NCKAP5: variants seen among roughly 807,000 people sequenced by gnomAD.
NCKAP5 encodes NCK associated protein 5.
In NCKAP5, 92 loss-of-function variants were observed where a neutral mutation model predicts 167.0. The observed-to-expected ratio is 0.55, with a 90% CI of 0.47 to 0.66. NCKAP5 has a LOEUF of 0.66. Among genes scored for constraint, NCKAP5 ranks in the 30% least tolerant of loss-of-function variants. The probability of loss-of-function intolerance (pLI) is 0.00; values close to 1 mark genes in which losing one functional copy is unlikely to be tolerated. For missense variants in NCKAP5, 2,378 were observed against 2,315.0 expected (o/e 1.03, Z -0.56); for synonymous variants, 891 against 877.4 (o/e 1.02, Z -0.27).
intron 3 of NCKAP5, among the ~76,000 whole-genome samples, chr2:133,315,650 T>C (rs879699127): frequency 6.9e-6 from 1 of 144,570 alleles, no homozygotes; most frequent in South Asian, 2.1e-4. Context: ...AAAAAGTAAA[T>C]GAAGGAGAGG....
At chr2:133,484,877 A>G (rs537635672) in intron 3 of NCKAP5, among the ~76,000 whole-genome samples, 1 of 152,356 alleles carries the variant, frequency 6.6e-6, no homozygotes, top group East Asian at 1.9e-4. Flanking sequence ...GACCAGTATG[A>G]CCATGGTATA....
the NCKAP5 span, among the ~76,000 whole-genome samples, chr2:133,620,982 G>A: frequency 6.6e-6 from 1 of 152,062 alleles, no homozygotes; most frequent in Non-Finnish European, 1.5e-5. Flanking sequence ...TCAAAACCAT[G>A]CGAATACATG....
intron 5 of NCKAP5, among the ~76,000 whole-genome samples, chr2:133,209,891 G>T (rs551364912): frequency 2.0e-5 from 3 of 152,090 alleles, no homozygotes; most frequent in Non-Finnish European, 4.4e-5. Context: ...ATCTCAGCCA[G>T]GTGTGGTGGC....
intron 8 of NCKAP5, among the ~76,000 whole-genome samples, chr2:132,920,163 C>T (rs1282575842): frequency 6.6e-6 from 1 of 152,000 alleles, no homozygotes; most frequent in Non-Finnish European, 1.5e-5. Flanking sequence ...AATTAAGTTC[C>T]TATGCTATTT....
the NCKAP5 span, among the ~76,000 whole-genome samples, chr2:133,592,427 A>G: frequency 6.6e-6 from 1 of 152,206 alleles, no homozygotes; most frequent in Non-Finnish European, 1.5e-5. Context: ...TTCTTGTTGC[A>G]ATATTCATTG....
intron 11 of NCKAP5, among the ~76,000 whole-genome samples, chr2:132,836,773 A>T (rs1340859771): frequency 1.3e-5 from 2 of 152,106 alleles, no homozygotes; most frequent in African/African-American, 4.8e-5. Context: ...TCCACCCCCT[A>T]GAGCCTTGCC....
At position 133,386,372 on chromosome 2, in the gene NCKAP5, T is replaced by C. The variant is rs991411330; in HGVS notation, c.70-83262A>G. On this transcript the variant is annotated intron_variant, in intron 3 of 19. Coordinates refer to ENST00000409261, the MANE Select transcript of NCKAP5 (RefSeq NM_207363.3). ...GTTGAGCAGTTTTGATTGAGTTTCT[T>C]AATCCTGAGTTCTAGTTTGATTGCA... 1.2e-4 allele frequency among the ~76,000 whole-genome samples: 18 copies of C among 152,254 alleles called. 1 individual carries two copies. Among genetic ancestry groups the C allele is most frequent in the African/African-American group, 4.1e-4 (17 of 41,472 alleles).
intron 19 of NCKAP5, among the ~76,000 whole-genome samples, chr2:132,717,946 C>G (rs1252738667): frequency 3.9e-5 from 6 of 152,292 alleles, no homozygotes; most frequent in Middle Eastern, 3.4e-3. Flanking sequence ...TCTATAGACC[C>G]TACTGGGATT....
intron 6 of NCKAP5, among the ~76,000 whole-genome samples, chr2:133,126,057 C>A (rs894357943): frequency 7.9e-5 from 12 of 152,210 alleles, no homozygotes; most frequent in African/African-American, 2.9e-4. Flanking sequence ...TTGCCTGGTG[C>A]CTTCAAGCCA....
intron 6 of NCKAP5, chr2:133,122,525 A>C (rs905069515): frequency 1.1e-4 from 17 of 152,220 alleles, no homozygotes; most frequent in African/African-American, 3.6e-4. Context: ...TAAATCCTAA[A>C]GTGGACAACA....
chr2:133,507,037 C>T (rs1683071619), intron 3 of NCKAP5, among the ~76,000 whole-genome samples: 2 of 152,148 alleles, frequency 1.3e-5, no homozygotes, highest in Non-Finnish European at 2.9e-5. Context: ...AGGAGATCTC[C>T]ACATAGCTAC....
intron 15 of NCKAP5, among the ~76,000 whole-genome samples, chr2:132,780,058 CAG>C (rs1209206025): frequency 7.9e-5 from 12 of 152,282 alleles, no homozygotes; most frequent in Admixed American, 7.8e-4. Context: ...GAAGAATGTA[CAG>C]AGAGTAAGTG....
rs753169750 is a variant in NCKAP5, at chr2:132,784,999, C to A, written c.1812G>T (p.Val604=). The A allele has an allele frequency of 3.7e-6, 6 of 1,613,934 alleles. No individual in the cohort carries two copies. The Middle Eastern group carries it at 6.6e-4, about 177-fold the overall frequency. ...ESSDEKSPSD[V]SLAADTDKSV... ...ACTTATCGGTGTCGGCAGCCAATGA[C>A]ACGTCTGAAGGACTTTTCTCATCAC... The change falls in exon 14 of 20, where the codon GTG becomes GTT. Residue 604 remains valine (V), a synonymous_variant. Transcript: ENST00000409261.
rs75454579 is a variant in NCKAP5 at position 132,727,486 on chromosome 2, G to A, written c.5580+1330C>T. 3.9e-3 allele frequency among the ~76,000 whole-genome samples: 599 copies of A among 152,310 alleles called. 3 individuals are homozygous for A. The highest frequency in any genetic ancestry group is 0.03 in the South Asian group (143 of 4,830). On this transcript the variant is annotated intron_variant, in intron 18 of 19. Transcript: ENST00000409261. ...TCACCTGGGGATTTGTTAGAAATGT[G>A]TACACCTTACTCCGTATATGCCAAA...
At position 133,432,736 on chromosome 2, in the gene NCKAP5, G is replaced by A. The variant is rs560985218; in HGVS notation, c.69+84722C>T. Among the ~76,000 whole-genome samples, 17 of 152,256 alleles carry A rather than the reference G, an allele frequency of 1.1e-4. No individual in the cohort carries two copies. In the South Asian group the frequency reaches 1.9e-3, roughly 17 times the overall value. ...GCTCATCAATATAGTCTTAGAACCC[G>A]ACACAGTGCCTGGCATATAGAAGAC... On this transcript the variant is annotated intron_variant, in intron 3 of 19. Coordinates refer to ENST00000409261, the MANE Select transcript of NCKAP5 (RefSeq NM_207363.3).
chr2:132,811,839 T>C (rs1558809990), intron 11 of NCKAP5, among the ~76,000 whole-genome samples: 1 of 152,216 alleles, frequency 6.6e-6, no homozygotes, highest in Non-Finnish European at 1.5e-5. Flanking sequence ...GATTTCCTTC[T>C]TCCTGTGGAG....
chr2:133,607,924 C>A, the NCKAP5 span, among the ~76,000 whole-genome samples: 2 of 152,198 alleles, frequency 1.3e-5, no homozygotes, highest in Non-Finnish European at 2.9e-5. Context: ...CAGCTCTTAA[C>A]ATGATAGTCC....
intron 2 of NCKAP5, among the ~76,000 whole-genome samples, chr2:133,525,672 C>T (rs575696748): frequency 1.4e-4 from 21 of 152,176 alleles, no homozygotes; most frequent in Non-Finnish European, 5.9e-5. Context: ...TTTAAGTATA[C>T]AATTCAGCGT....
chr2:132,875,862 T>C (rs960255448), intron 9 of NCKAP5, among the ~76,000 whole-genome samples: 1 of 152,186 alleles, frequency 6.6e-6, no homozygotes, highest in Non-Finnish European at 1.5e-5. Flanking sequence ...CCTGTTTGTA[T>C]ACAGGTGTGT....
Sources: gnomAD v4.1 joint callset for allele counts (sites outside exome capture counted in the v4.1 genomes callset) on GRCh38, gnomAD v4.1.1 for gene constraint, MANE v1.5 for transcripts, NCBI Gene and HGNC (gene_info 2026-07-23, HGNC 2026-07-21) for gene names.